Variants in NFIB observed in about 807,000 individuals in gnomAD.
NFIB encodes the protein nuclear factor 1 B-type.
Under a neutral mutation model 61.5 loss-of-function variants are expected in NFIB, and 11 were observed. That is an observed-to-expected ratio of 0.18 (90% CI 0.11 to 0.30). The LOEUF is 0.30. Ranked by LOEUF, NFIB falls within the 10% of genes least tolerant of loss-of-function variation. The pLI, the probability that NFIB is intolerant of heterozygous loss-of-function variation, is 1.00. For synonymous variants in NFIB, 260 were observed against 216.5 expected, an observed-to-expected ratio of 1.20 and a Z score of -1.76; for missense variants, 471 against 608.9, an observed-to-expected ratio of 0.77 and a Z score of 2.38.
chr9:14,360,037 G>T (rs571578103), intron 1 of NFIB, among the ~76,000 whole-genome samples: 24 of 152,196 alleles, frequency 1.6e-4, no homozygotes, highest in African/African-American at 5.8e-4. Context: ...TTTTGAAAGT[G>T]CTCATCTGCA....
intron 5 of NFIB, among the ~76,000 whole-genome samples, chr9:14,149,003 G>A (rs2042582479): frequency 6.6e-6 from 1 of 152,158 alleles, no homozygotes; most frequent in African/African-American, 2.4e-5. Context: ...TACTCTGAAA[G>A]ACAGTATCTT....
At chr9:14,471,114 C>G in the NFIB span, among the ~76,000 whole-genome samples, 1 of 152,158 alleles carries the variant, frequency 6.6e-6, no homozygotes, top group African/African-American at 2.4e-5. Context: ...CATAAGGTTA[C>G]TATTAAAAAA....
rs375855999 is a variant in NFIB at position 14,150,290 on chromosome 9, T to C, written c.686-25A>G. The C allele has an allele frequency of 7.4e-6, 12 of 1,612,650 alleles. No individual in the cohort carries two copies. In the African/African-American group the frequency reaches 8.0e-5, roughly 11 times the overall value. On this transcript the variant is annotated intron_variant, in intron 4 of 10. Coordinates refer to ENST00000380953, the MANE Select transcript of NFIB (RefSeq NM_001190737.2). The stretch of plus-strand genomic sequence containing the variant: ...GCTGAGGAATAAGACAAAGAAGCAC[T>C]GGGAATGACATTCGTATTTCTGACC...
At chr9:14,291,941 T>C (rs914588860) in intron 2 of NFIB, among the ~76,000 whole-genome samples, 6 of 152,170 alleles carry the variant, frequency 3.9e-5, no homozygotes, top group African/African-American at 9.6e-5. Context: ...TGCAATTTAG[T>C]GTATCTTCCA....
intron 7 of NFIB, among the ~76,000 whole-genome samples, chr9:14,122,938 ATTCTAG>A (rs1235645695): frequency 3.9e-5 from 6 of 152,088 alleles, no homozygotes; most frequent in African/African-American, 1.4e-4. Flanking sequence ...CATAAAAGCC[ATTCTAG>A]TCCTTTAAAA....
the NFIB span, among the ~76,000 whole-genome samples, chr9:14,499,926 G>A: frequency 1.3e-5 from 2 of 152,158 alleles, no homozygotes; most frequent in Non-Finnish European, 2.9e-5. Context: ...TTACTCATTC[G>A]ATAATTTGGT....
intron 8 of NFIB, among the ~76,000 whole-genome samples, chr9:14,116,965 T>C (rs116625348): frequency 0.016 from 2,448 of 152,334 alleles, 64 homozygotes; most frequent in African/African-American, 0.054. Flanking sequence ...CCGAGATCTA[T>C]GGTCAACTTT....
chr9:14,129,402 G>A (rs199986055), intron 6 of NFIB, among the ~76,000 whole-genome samples: 33 of 136,026 alleles, frequency 2.4e-4, no homozygotes, highest in South Asian at 4.7e-4. Context: ...AAAAAAAAAA[G>A]ACAAAAAAAC....
At chr9:14,528,413 G>A in the NFIB span, among the ~76,000 whole-genome samples, 1 of 152,134 alleles carries the variant, frequency 6.6e-6, no homozygotes, top group African/African-American at 2.4e-5. Flanking sequence ...CAACTGAGCA[G>A]ACTGATTGGT....
upstream of NFIB, among the ~76,000 whole-genome samples, chr9:14,316,288 G>C (rs1272456804): frequency 6.6e-6 from 1 of 152,234 alleles, no homozygotes; most frequent in Non-Finnish European, 1.5e-5. Flanking sequence ...AGGCGAGCTT[G>C]CCAAGTTTAC....
intron 10 of NFIB, among the ~76,000 whole-genome samples, chr9:14,106,348 T>C (rs933361301): frequency 1.3e-5 from 2 of 152,164 alleles, no homozygotes; most frequent in Non-Finnish European, 2.9e-5. Flanking sequence ...TGAAATTCTA[T>C]TGTCTAGAAA....
At chr9:14,327,799 C>G (rs925201101) in intron 1 of NFIB, among the ~76,000 whole-genome samples, 33 of 152,242 alleles carry the variant, frequency 2.2e-4, no homozygotes, top group Non-Finnish European at 4.6e-4. Flanking sequence ...CTTCTCATCC[C>G]ACTTCATCCA....
At chr9:14,462,924 T>C in the NFIB span, among the ~76,000 whole-genome samples, 1 of 152,230 alleles carries the variant, frequency 6.6e-6, no homozygotes, top group African/African-American at 2.4e-5. Flanking sequence ...GTCACATTCA[T>C]TTGTTTCAAA....
chr9:14,530,817 A>G, the NFIB span, among the ~76,000 whole-genome samples: 1 of 152,158 alleles, frequency 6.6e-6, no homozygotes, highest in Non-Finnish European at 1.5e-5. Context: ...ACTAATTGTG[A>G]GAAAAACGGC....
chr9:14,220,842 TACACACACACAC>T (rs138623129), intron 2 of NFIB, among the ~76,000 whole-genome samples: 22 of 123,094 alleles, frequency 1.8e-4, no homozygotes, highest in Admixed American at 8.2e-4. Context: ...TCAATCTCCC[TACACACACACAC>T]ACACACACAC....
chr9:14,189,952 A>G (rs2047768147), intron 2 of NFIB, among the ~76,000 whole-genome samples: 1 of 152,036 alleles, frequency 6.6e-6, no homozygotes, highest in African/African-American at 2.4e-5. Context: ...AGTTTCTACA[A>G]CCTCTCTACA....
At chr9:14,442,294 G>A in the NFIB span, among the ~76,000 whole-genome samples, 7 of 152,136 alleles carry the variant, frequency 4.6e-5, no homozygotes, top group Non-Finnish European at 1.0e-4. Flanking sequence ...TATCACACAG[G>A]AACATGCATC....
rs1406748710 is a variant in NFIB at position 14,150,184 on chromosome 9, C to T, written c.767G>A (p.Gly256Glu). The T allele has an allele frequency of 6.2e-7, 1 of 1,613,468 alleles. No homozygotes were observed. Among genetic ancestry groups the T allele is most frequent in the Non-Finnish European group, 8.5e-7 (1 of 1,179,588 alleles). Residue 256 changes from glycine (G) to glutamate (E), a missense_variant, in exon 5 of 11, where the codon GGG (glycine) becomes GAG (glutamate). Transcript: ENST00000380953. Reference sequence around the variant, plus strand: ...AGACAGAGACCTCTGAAGATTGACCCCCGAGTTCATGTCATGATAGTATGG... The same window carrying T: ...AGACAGAGACCTCTGAAGATTGACCTCCGAGTTCATGTCATGATAGTATGG... ...SQPYYHDMNS[G>E]VNLQRSLSSP...
At chr9:14,375,179 T>A (rs574773542) in intron 1 of NFIB, among the ~76,000 whole-genome samples, 2 of 152,330 alleles carry the variant, frequency 1.3e-5, no homozygotes, top group Non-Finnish European at 2.9e-5. Flanking sequence ...ACAGGGCTCA[T>A]ATAGTGGTTC....
Sources: allele counts gnomAD v4.1 joint callset (sites outside exome capture counted in the v4.1 genomes callset), GRCh38; gene constraint gnomAD v4.1.1; transcripts MANE v1.5; gene names NCBI Gene and HGNC (gene_info 2026-07-23, HGNC 2026-07-21).